The following NEK11 variants were observed in gnomAD, a reference collection of about 807,000 sequenced individuals.
NEK11 encodes NIMA related kinase 11.
A neutral mutation model predicts 80.7 loss-of-function variants in NEK11; 72 were observed. The ratio of observed to expected loss-of-function variants is 0.89; its 90% CI spans 0.74 to 1.08. The LOEUF (loss-of-function observed/expected upper bound fraction) is 1.08. Ranked by LOEUF, NEK11 falls within the 50% of genes least tolerant of loss-of-function variation. NEK11 has a pLI of 0.00. For missense variants in NEK11, 764 were observed against 763.6 expected (o/e 1.00, Z -0.01); for synonymous variants, 251 against 260.7 (o/e 0.96, Z 0.36).
At chr3:131,202,415 C>T (rs2094273385) in intron 14 of NEK11, among the ~76,000 whole-genome samples, 1 of 152,162 alleles carries the variant, frequency 6.6e-6, no homozygotes, top group Non-Finnish European at 1.5e-5. Context: ...TTACAATGGT[C>T]TTAGCAAACG....
At chr3:131,112,185 T>C (rs2080246634) in intron 5 of NEK11, among the ~76,000 whole-genome samples, 2 of 152,162 alleles carry the variant, frequency 1.3e-5, no homozygotes, top group Admixed American at 1.3e-4. Context: ...TACAGTGGAA[T>C]GGTTAACCTG....
intron 3 of NEK11, among the ~76,000 whole-genome samples, chr3:131,051,717 A>G (rs771738633): frequency 4.6e-5 from 7 of 152,102 alleles, no homozygotes; most frequent in African/African-American, 1.2e-4. Context: ...CAGGGTTTCA[A>G]TGTTGTCCAG....
intron 16 of NEK11, among the ~76,000 whole-genome samples, chr3:131,248,275 T>G (rs2095638962): frequency 6.6e-6 from 1 of 152,100 alleles, no homozygotes. Context: ...CTTTTATGCC[T>G]CATTTATAGA....
chr3:131,155,350 G>A (rs767693325), intron 10 of NEK11, among the ~76,000 whole-genome samples: 1 of 152,170 alleles, frequency 6.6e-6, no homozygotes, highest in East Asian at 1.9e-4. Context: ...TTACAGATCT[G>A]CAGGGTAGCT....
intron 17 of NEK11, among the ~76,000 whole-genome samples, chr3:131,336,142 A>G (rs1428716131): frequency 1.3e-5 from 2 of 152,184 alleles, no homozygotes; most frequent in African/African-American, 4.8e-5. Context: ...TGGAACCAAA[A>G]AAGAGCCCGC....
intron 6 of NEK11, 60 bp from the exon 7 acceptor site, chr3:131,133,770 T>C: frequency 1.4e-6 from 2 of 1,435,008 alleles, no homozygotes; most frequent in Non-Finnish European, 1.9e-6. Flanking sequence ...CAGTTGTTAA[T>C]TTCCAGGGCT....
At chr3:131,260,440 C>T (rs965733617) in intron 16 of NEK11, among the ~76,000 whole-genome samples, 10 of 152,194 alleles carry the variant, frequency 6.6e-5, no homozygotes, top group Admixed American at 1.3e-4. Flanking sequence ...ATCATTTAGG[C>T]CAGAGGTCAG....
chr3:131,059,536 C>G (rs1039369556), intron 3 of NEK11, among the ~76,000 whole-genome samples: 2 of 152,190 alleles, frequency 1.3e-5, no homozygotes, highest in African/African-American at 4.8e-5. Flanking sequence ...CATTGATGCC[C>G]TTTAAATGTA....
chr3:131,290,694 C>A (rs942023014), intron 17 of NEK11, among the ~76,000 whole-genome samples: 3 of 152,234 alleles, frequency 2.0e-5, no homozygotes, highest in African/African-American at 7.2e-5. Context: ...AGCTTTCAAC[C>A]ATGCACCTAG....
At chr3:131,097,342 G>C (rs1036764243) in intron 4 of NEK11, among the ~76,000 whole-genome samples, 1 of 151,702 alleles carries the variant, frequency 6.6e-6, no homozygotes, top group African/African-American at 2.4e-5. Context: ...CTAGTTTACA[G>C]TCCCACCAAC....
chr3:131,163,772 A>G (rs916195687), intron 11 of NEK11, among the ~76,000 whole-genome samples: 13 of 152,332 alleles, frequency 8.5e-5, no homozygotes, highest in African/African-American at 1.2e-4. Context: ...AACATCACAC[A>G]GTATATATAA....
chr3:131,041,990 G>A (rs1222765436), intron 3 of NEK11, among the ~76,000 whole-genome samples: 3 of 152,170 alleles, frequency 2.0e-5, no homozygotes, highest in African/African-American at 7.2e-5. Context: ...CACCCCGGAA[G>A]TGCAAGGGGT....
intron 17 of NEK11, among the ~76,000 whole-genome samples, chr3:131,279,213 G>A (rs1046465904): frequency 1.3e-5 from 2 of 151,888 alleles, no homozygotes; most frequent in African/African-American, 2.4e-5. Flanking sequence ...AGCCGGGCAT[G>A]GTGGCACACG....
At chr3:131,245,720 T>C (rs1580804257) in intron 16 of NEK11, among the ~76,000 whole-genome samples, 1 of 152,104 alleles carries the variant, frequency 6.6e-6, no homozygotes, top group South Asian at 2.1e-4. Flanking sequence ...TCATATGTCT[T>C]TTGCCCATTT....
At chr3:131,108,154 G>C (rs1262590076) in intron 4 of NEK11, among the ~76,000 whole-genome samples, 2 of 152,014 alleles carry the variant, frequency 1.3e-5, no homozygotes, top group Non-Finnish European at 2.9e-5. Context: ...GATTTGTTAC[G>C]GCCCTGTGTA....
intron 16 of NEK11, among the ~76,000 whole-genome samples, chr3:131,271,664 G>A (rs2096188155): frequency 1.3e-5 from 2 of 151,958 alleles, no homozygotes; most frequent in Middle Eastern, 3.4e-3. Flanking sequence ...GCTTGGTGGC[G>A]GGAGCCTGTA....
At chr3:131,212,298 CTGCAGAACAGCAAATAT>C (rs747732717) in intron 14 of NEK11, among the ~76,000 whole-genome samples, 23 of 152,326 alleles carry the variant, frequency 1.5e-4, no homozygotes, top group South Asian at 8.3e-4. Context: ...CCAGCGGAGG[CTGCAGAACAGCAAATAT>C]TGCAGAACAG....
chr3:131,141,940 T>A (rs1015518809), intron 7 of NEK11, among the ~76,000 whole-genome samples: 1 of 152,210 alleles, frequency 6.6e-6, no homozygotes, highest in African/African-American at 2.4e-5. Context: ...AGCAGAGGAA[T>A]GATGTATCAG....
chr3:131,240,560 G>C (rs963952768), intron 15 of NEK11, among the ~76,000 whole-genome samples: 5 of 151,836 alleles, frequency 3.3e-5, no homozygotes, highest in African/African-American at 4.8e-5. Context: ...TTAGAAACAG[G>C]GTTTTATTTT....
Sources: gnomAD v4.1 joint callset for allele counts (sites outside exome capture counted in the v4.1 genomes callset) on GRCh38, gnomAD v4.1.1 for gene constraint, MANE v1.5 for transcripts, NCBI Gene and HGNC (gene_info 2026-07-23, HGNC 2026-07-21) for gene names.